HGF: variants seen among roughly 807,000 people sequenced by gnomAD.
HGF encodes hepatocyte growth factor.
A neutral mutation model predicts 111.6 loss-of-function variants in HGF; 39 were observed. The observed-to-expected ratio is 0.35, with a 90% CI of 0.27 to 0.46. HGF has a LOEUF of 0.46. Ranked by LOEUF, HGF falls within the 20% of genes least tolerant of loss-of-function variation. The probability of loss-of-function intolerance (pLI) is 1.00; values close to 1 mark genes in which losing one functional copy is unlikely to be tolerated. For synonymous variants in HGF, 285 were observed against 294.8 expected (o/e 0.97, Z 0.34); for missense variants, 735 against 910.5 (o/e 0.81, Z 2.48).
At chr7:81,730,673 T>G (rs1450827929) in intron 7 of HGF, among the ~76,000 whole-genome samples, 1 of 152,150 alleles carries the variant, frequency 6.6e-6, no homozygotes, top group African/African-American at 2.4e-5. Flanking sequence ...TACCACAATT[T>G]GGTCTCTCTC....
intron 11 of HGF, among the ~76,000 whole-genome samples, chr7:81,716,061 C>T (rs1269205580): frequency 6.6e-6 from 1 of 152,132 alleles, no homozygotes; most frequent in Admixed American, 6.6e-5. Context: ...CACTCAATAA[C>T]ATATTTAAGA....
chr7:81,767,229 A>G (rs1179238460), intron 1 of HGF, among the ~76,000 whole-genome samples: 1 of 152,110 alleles, frequency 6.6e-6, no homozygotes, highest in Non-Finnish European at 1.5e-5. Context: ...TCACTTGGCC[A>G]AATGATTTTT....
chr7:81,769,951 C>G lies in HGF; in HGVS notation c.21G>C (p.Leu7=), dbSNP rs1300638192. ...GGACATGCTGCAGCAGCAGGGCTGG[C>G]AGGAGTTTGGTCACCCACATGGTGC... MWVTKL[L]PALLLQHVLL... The change falls in exon 1 of 18, where the codon CTG becomes CTC. Residue 7 remains leucine, a synonymous_variant. Transcript: ENST00000222390. 2 of 1,559,378 alleles carry G rather than the reference C, an allele frequency of 1.3e-6. No individual in the cohort carries two copies. The highest frequency in any genetic ancestry group is 2.4e-5 in the South Asian group (2 of 84,540).
In HGF at chr7:81,710,205, C is replaced by T. The variant is rs2115798680; in HGVS notation, c.1483G>A (p.Val495Ile). The change falls in exon 13 of 18, where the codon GTT (valine) becomes ATT (isoleucine). Residue 495 changes from valine (V) to isoleucine (I), a missense_variant. Val to Ile is a conservative substitution (Grantham distance 29). Coordinates refer to ENST00000222390, the MANE Select transcript of HGF (RefSeq NM_000601.6). ...GTTCGTGTTGGAATCCCATTTACAA[C>T]TCGCAATTGTTTCGTTTTGGCACAA... ...ISCAKTKQLR[V>I]VNGIPTRTNI... 1 of 1,613,686 alleles carries T rather than the reference C, an allele frequency of 6.2e-7. No individual in the cohort carries two copies. Among genetic ancestry groups the T allele is most frequent in the Non-Finnish European group, 8.5e-7 (1 of 1,179,664 alleles).
Position 81,701,902 on chromosome 7 carries a change from T to C in HGF, c.*679A>G, listed in dbSNP as rs1789288941. 1 of 156,876 alleles carries C rather than the reference T, an allele frequency of 6.4e-6. No individual in the cohort carries two copies. The highest frequency in any genetic ancestry group is 2.1e-4 in the South Asian group (1 of 4,878). 9.7% of individuals were successfully genotyped at this position (156,876 alleles called of 1,614,324 possible). ...ATCTTGCATCATTTTTTAATATTTC[T>C]ACTGGTCTTTAGAGATTTCTGGTTT... On this transcript the variant is annotated 3_prime_UTR_variant, in exon 18 of 18. Coordinates refer to ENST00000222390, the MANE Select transcript of HGF (RefSeq NM_000601.6).
Position 81,727,049 on chromosome 7 carries a change from G to T in HGF, c.1041-1032C>A, listed in dbSNP as rs7783094. Among the ~76,000 whole-genome samples the T allele has an allele frequency of 2.2e-3, 324 of 144,356 alleles. 3 individuals are homozygous for T. The highest frequency in any genetic ancestry group is 0.012 in the East Asian group (60 of 5,006). The allele number at this position is 144,356 out of a possible 152,430, so 94.7% of individuals were successfully genotyped here. A position where few individuals can be genotyped will look rare whatever the true frequency, so the allele number is the denominator to read the frequency against. ...CATTCGAAACTGAGGTTTTTTTTTT[G>T]TTTTTTTTTTAAACAGAGTCTCGTT... On this transcript the variant is annotated intron_variant, in intron 8 of 17. Coordinates refer to ENST00000222390, the MANE Select transcript of HGF (RefSeq NM_000601.6).
intron 3 of HGF, 38 bp from the exon 4 acceptor site, chr7:81,757,341 A>G (rs2116184739): frequency 9.5e-7 from 1 of 1,053,412 alleles, no homozygotes; most frequent in Non-Finnish European, 1.5e-6. Context: ...GCAACTATGC[A>G]AAACATATGC....
At chr7:81,759,378 T>C (rs1225345505) in intron 2 of HGF, among the ~76,000 whole-genome samples, 2 of 152,204 alleles carry the variant, frequency 1.3e-5, no homozygotes, top group Non-Finnish European at 2.9e-5. Flanking sequence ...TGTTTGGAAA[T>C]TTTTGCATAT....
intron 4 of HGF, among the ~76,000 whole-genome samples, 189 bp from the exon 5 acceptor site, chr7:81,752,451 C>T (rs1788551926): frequency 6.6e-6 from 1 of 152,002 alleles, no homozygotes; most frequent in Admixed American, 6.6e-5. Flanking sequence ...TTATTAACAT[C>T]CATTTAGCTG....
intron 9 of HGF, 31 bp downstream of exon 9, chr7:81,725,859 C>T (rs2115903038): frequency 1.2e-6 from 2 of 1,613,316 alleles, no homozygotes; most frequent in Non-Finnish European, 1.7e-6. Flanking sequence ...TGAATTTAAT[C>T]ATGCCCACCC....
chr7:81,707,411 G>T, intron 13 of HGF, 47 bp from the exon 14 acceptor site: 1 of 1,100,274 alleles, frequency 9.1e-7, no homozygotes, highest in Non-Finnish European at 1.4e-6. Context: ...TGCAGAAAGA[G>T]TGACTGCCAA....
At chr7:81,732,161 G>T (rs1205930330) in intron 7 of HGF, among the ~76,000 whole-genome samples, 1 of 152,002 alleles carries the variant, frequency 6.6e-6, no homozygotes, top group Non-Finnish European at 1.5e-5. Flanking sequence ...GCTAGATATG[G>T]GTCCATCCAT....
At chr7:81,744,303 ATTTTT>A (rs199738928) in intron 6 of HGF, among the ~76,000 whole-genome samples, 4 of 146,464 alleles carry the variant, frequency 2.7e-5, no homozygotes, top group Admixed American at 6.8e-5. Flanking sequence ...AGTAGACATG[ATTTTT>A]TTTTTTTTTT....
chr7:81,720,958 T>A, intron 9 of HGF, 111 bp from the exon 10 acceptor site: 2 of 710,864 alleles, frequency 2.8e-6, no homozygotes. Flanking sequence ...TTAAAGTACT[T>A]GAAAGGGCTG....
intron 12 of HGF, among the ~76,000 whole-genome samples, chr7:81,710,981 T>C (rs1480251474): frequency 6.6e-6 from 1 of 152,126 alleles, no homozygotes; most frequent in Non-Finnish European, 1.5e-5. Context: ...AAAATACAAG[T>C]GGCCCCCAAC....
rs1788742496 is a variant in HGF, at chr7:81,755,874, A to T, written c.482+1315T>A. On this transcript the variant is annotated intron_variant, in intron 4 of 17. Transcript: ENST00000222390. ...AATGTTGTAGAGATGATCAGCTTGG[A>T]CACTTACTAGCTAGTGTTAATTAGG... is the stretch of plus-strand genomic sequence containing the variant. The T allele has an allele frequency of 1.2e-5, 7 of 589,362 alleles. No individual in the cohort carries two copies. The South Asian group carries it at 1.5e-4, about 12-fold the overall frequency. 36.5% of individuals were successfully genotyped at this position (589,362 alleles called of 1,614,324 possible).
intron 7 of HGF, among the ~76,000 whole-genome samples, chr7:81,741,371 G>A (rs889464313): frequency 6.6e-6 from 1 of 152,086 alleles, no homozygotes; most frequent in Non-Finnish European, 1.5e-5. Flanking sequence ...TGCATAACTA[G>A]CCAGCTCCTT....
intron 11 of HGF, among the ~76,000 whole-genome samples, chr7:81,711,879 A>G (rs1789580294): frequency 6.6e-6 from 1 of 152,084 alleles, no homozygotes; most frequent in South Asian, 2.1e-4. Flanking sequence ...CCTGACCTCA[A>G]ATGATCCACC....
chr7:81,725,988 G>A lies in HGF; in HGVS notation c.1070C>T (p.Pro357Leu). 1 of 1,613,848 alleles carries A rather than the reference G, an allele frequency of 6.2e-7. No individual in the cohort carries two copies. Among genetic ancestry groups the A allele is most frequent in the Non-Finnish European group, 8.5e-7 (1 of 1,179,808 alleles). The change falls in exon 9 of 18, where the codon CCA (proline) becomes CTA (leucine). Residue 357 changes from proline to leucine, a missense_variant. Coordinates refer to ENST00000222390, the MANE Select transcript of HGF (RefSeq NM_000601.6). The part of the protein sequence containing the change: ...KDLRENYCRN[P>L]DGSESPWCFT... ...ACACCAGGGTGATTCAGACCCATCT[G>A]GATTTCGGCAGTAATTTTCTCGTAG...
Sources: gnomAD v4.1 joint callset for allele counts (sites outside exome capture counted in the v4.1 genomes callset) on GRCh38, gnomAD v4.1.1 for gene constraint, MANE v1.5 for transcripts, NCBI Gene and HGNC (gene_info 2026-07-23, HGNC 2026-07-21) for gene names.